The following TBC1D5 variants were observed in gnomAD, a reference collection of about 807,000 sequenced individuals.
TBC1D5 encodes the protein TBC1 domain family member 5.
In TBC1D5, 75 loss-of-function variants were observed where a neutral mutation model predicts 100.3. That is an observed-to-expected ratio of 0.75 (90% CI 0.62 to 0.91). The LOEUF is 0.91. Ranked by LOEUF, TBC1D5 falls within the 40% of genes least tolerant of loss-of-function variation. TBC1D5 has a pLI of 0.00. For missense variants in TBC1D5, 910 were observed against 942.4 expected (o/e 0.97, Z 0.45); for synonymous variants, 323 against 325.6 (o/e 0.99, Z 0.09).
intron 3 of TBC1D5, among the ~76,000 whole-genome samples, chr3:17,449,016 T>C (rs1478593011): frequency 6.6e-6 from 1 of 152,194 alleles, no homozygotes; most frequent in East Asian, 1.9e-4. Flanking sequence ...AGGTGATTTC[T>C]GCATTTTCAA....
chr3:17,723,218 T>C (rs1301095700), intron 1 of TBC1D5, among the ~76,000 whole-genome samples: 1 of 152,174 alleles, frequency 6.6e-6, no homozygotes, highest in East Asian at 1.9e-4. Context: ...TTTCAGGGGA[T>C]GGATACCCAT....
At chr3:17,361,023 T>A (rs2091653128) in intron 13 of TBC1D5, among the ~76,000 whole-genome samples, 1 of 152,018 alleles carries the variant, frequency 6.6e-6, no homozygotes, top group South Asian at 2.1e-4. Flanking sequence ...AAAATTACAT[T>A]TCCAAATATA....
chr3:17,325,960 T>C (rs2086069617), intron 13 of TBC1D5, among the ~76,000 whole-genome samples: 1 of 152,002 alleles, frequency 6.6e-6, no homozygotes, highest in Admixed American at 6.5e-5. Flanking sequence ...AAATAGAGAA[T>C]TTTTCGAAAA....
At chr3:17,289,163 T>C (rs987747594) in intron 15 of TBC1D5, among the ~76,000 whole-genome samples, 1 of 152,294 alleles carries the variant, frequency 6.6e-6, no homozygotes, top group Admixed American at 6.5e-5. Context: ...GGAGTCTGCG[T>C]CTGTGCTGGC....
rs537804094 is a variant in TBC1D5, at chr3:17,440,286, A to C, written c.98-11767T>G. ...CATATGCCAAGATTCTGTGGAGTTC[A>C]CGTTAAGGATTTTGGTCTTTATCCC... is the stretch of plus-strand genomic sequence containing the variant. On this transcript the variant is annotated intron_variant, in intron 3 of 21. Transcript: ENST00000253692. Among the ~76,000 whole-genome samples the C allele has an allele frequency of 5.3e-5, 8 of 152,276 alleles. No individual in the cohort carries two copies. In the East Asian group the frequency reaches 1.4e-3, roughly 26 times the overall value.
In TBC1D5 at chr3:17,410,934, G is replaced by A. The variant is rs181801965; in HGVS notation, c.168-4408C>T. Among the ~76,000 whole-genome samples the A allele has an allele frequency of 3.5e-3, 533 of 152,232 alleles. 4 individuals are homozygous for A. The highest frequency in any genetic ancestry group is 0.012 in the African/African-American group (506 of 41,548). On this transcript the variant is annotated intron_variant, in intron 4 of 21. Coordinates refer to ENST00000253692, the Ensembl canonical transcript of TBC1D5. ...AAACTAAGTGAGAAAGCAGCTGCAGGGTTTGAGAAGACTGAGTCCAATTTT... is the reference window on the plus strand; with the variant it reads ...AAACTAAGTGAGAAAGCAGCTGCAGAGTTTGAGAAGACTGAGTCCAATTTT...
At chr3:17,669,606 G>A (rs1356454324) in intron 1 of TBC1D5, among the ~76,000 whole-genome samples, 1 of 152,158 alleles carries the variant, frequency 6.6e-6, no homozygotes, top group African/African-American at 2.4e-5. Flanking sequence ...GTAAAATAAG[G>A]ATAGGAATAA....
At chr3:17,345,870 G>A (rs577570092) in intron 13 of TBC1D5, among the ~76,000 whole-genome samples, 20 of 151,946 alleles carry the variant, frequency 1.3e-4, no homozygotes, top group Non-Finnish European at 2.8e-4. Flanking sequence ...ATTGAACAAT[G>A]AGAACACATG....
rs2096589243 is a variant in TBC1D5, at chr3:17,565,696, A to G, written c.-35-57091T>C. On this transcript the variant is annotated intron_variant, in intron 2 of 21. Coordinates refer to ENST00000253692, the Ensembl canonical transcript of TBC1D5. ...GAAATAATCTCCTCATTCCTTTATA[A>G]AGGATAACTTTTCGAATTAGAGTAA... 2.0e-5 allele frequency among the ~76,000 whole-genome samples: 3 copies of G among 152,206 alleles called. No individual in the cohort carries two copies. The South Asian group carries it at 6.2e-4, about 32-fold the overall frequency.
chr3:17,608,580 G>A (rs1036390942), intron 2 of TBC1D5, among the ~76,000 whole-genome samples: 1 of 151,974 alleles, frequency 6.6e-6, no homozygotes, highest in Non-Finnish European at 1.5e-5. Flanking sequence ...TTCTTCAGTT[G>A]GGTTAACTCT....
At chr3:17,425,582 T>C (rs2094316872) in intron 4 of TBC1D5, among the ~76,000 whole-genome samples, 2 of 152,136 alleles carry the variant, frequency 1.3e-5, no homozygotes, top group South Asian at 4.1e-4. Context: ...TGAGCCGAGA[T>C]AGTGCCACTG....
chr3:17,567,505 T>C (rs1045433956), intron 2 of TBC1D5, among the ~76,000 whole-genome samples: 1 of 151,778 alleles, frequency 6.6e-6, no homozygotes, highest in African/African-American at 2.4e-5. Flanking sequence ...ACAGACTAAA[T>C]TTTAAGCTTG....
exon 1 of TBC1D5, chr3:17,740,570 G>T (rs1165402050): frequency 6.6e-6 from 1 of 152,160 alleles, no homozygotes; most frequent in South Asian, 2.1e-4. Flanking sequence ...GTGTTATGAA[G>T]TTATGTGTGA....
chr3:17,491,300 A>C (rs565064371), intron 3 of TBC1D5, among the ~76,000 whole-genome samples: 1 of 152,220 alleles, frequency 6.6e-6, no homozygotes, highest in South Asian at 2.1e-4. Flanking sequence ...AATACCCATT[A>C]TTTCTTTCTG....
chr3:17,701,099 G>A (rs1439217956), intron 1 of TBC1D5, among the ~76,000 whole-genome samples: 1 of 152,120 alleles, frequency 6.6e-6, no homozygotes, highest in Admixed American at 6.6e-5. Context: ...ATCAATGATG[G>A]ACTGGATTAA....
chr3:17,286,291 C>T (rs545690207), intron 15 of TBC1D5, among the ~76,000 whole-genome samples: 9 of 152,210 alleles, frequency 5.9e-5, no homozygotes, highest in African/African-American at 2.2e-4. Context: ...AACCTTTTTT[C>T]CTAGCCCTTA....
rs1269651189 is a variant in TBC1D5, at chr3:17,404,975, C to G, written c.277-14G>C. 2.6e-6 allele frequency: 4 copies of G among 1,526,606 alleles called. No individual in the cohort carries two copies. The highest frequency in any genetic ancestry group is 2.0e-5 in the Admixed American group (1 of 49,460). 94.6% of individuals were successfully genotyped at this position (1,526,606 alleles called of 1,614,324 possible). A position where few individuals can be genotyped will look rare whatever the true frequency, so the allele number is the denominator to read the frequency against. ...ACAAAGAAATAGCTGTCAAGAAAAA[C>G]AGAAGAAACTTTTGTAAAAATCTTA... On this transcript the variant is annotated splice_polypyrimidine_tract_variant and intron_variant, in intron 5 of 21. Transcript: ENST00000253692.
chr3:17,396,664 A>G (rs1318631841), intron 8 of TBC1D5, among the ~76,000 whole-genome samples: 3 of 152,122 alleles, frequency 2.0e-5, no homozygotes, highest in African/African-American at 4.8e-5. Context: ...AAACTAATCT[A>G]GTTTCCATCC....
intron 17 of TBC1D5, among the ~76,000 whole-genome samples, chr3:17,216,637 T>G (rs1318870657): frequency 6.6e-6 from 1 of 152,084 alleles, no homozygotes; most frequent in African/African-American, 2.4e-5. Context: ...AAATTCCACC[T>G]AGGCCTTTAT....
Sources: allele counts gnomAD v4.1 joint callset (sites outside exome capture counted in the v4.1 genomes callset), GRCh38; gene constraint gnomAD v4.1.1; transcripts MANE v1.5; gene names NCBI Gene and HGNC (gene_info 2026-07-23, HGNC 2026-07-21).